The following ARRDC2 variants were observed in gnomAD, a reference collection of about 807,000 sequenced individuals.
ARRDC2 encodes the protein arrestin domain-containing protein 2.
In ARRDC2, 39 loss-of-function variants were observed where a neutral mutation model predicts 38.9. The observed-to-expected ratio is 1.00, with a 90% CI of 0.78 to 1.31. ARRDC2 has a LOEUF of 1.31. Ranked by LOEUF, ARRDC2 falls within the 50% of genes most tolerant of loss-of-function variation. ARRDC2 has a pLI of 0.00. For synonymous variants in ARRDC2, 300 were observed against 261.9 expected, an observed-to-expected ratio of 1.15 and a Z score of -1.41; for missense variants, 553 against 588.4, an observed-to-expected ratio of 0.94 and a Z score of 0.62.
At chr19:18,009,417 G>C in intron 3 of ARRDC2, 175 bp from the exon 4 acceptor site, 1 of 653,806 alleles carries the variant, frequency 1.5e-6, no homozygotes, top group South Asian at 2.0e-5. Context: ...TTCATTTCTG[G>C]CTTTATAAGA....
At chr19:18,001,125 C>A, upstream of ARRDC2, 1 of 495,256 alleles carries the variant, frequency 2.0e-6, no homozygotes, top group Non-Finnish European at 2.8e-6. Flanking sequence ...GGGGCGGATG[C>A]AGAGGACCAG....
At chr19:18,006,899 C>G (rs1463309538), upstream of ARRDC2, among the ~76,000 whole-genome samples, 2 of 152,200 alleles carry the variant, frequency 1.3e-5, no homozygotes, top group Non-Finnish European at 1.5e-5. Flanking sequence ...TGAAACCTGG[C>G]CTAAGGTCCC....
rs568364911 is a variant in ARRDC2, at chr19:18,013,975, C to T, written c.*1009C>T. ...ATTAGAGGGGGCAGCTGGACAAGCT[C>T]CCAACTGCAGAGTCCCAGCCCTGGC... On this transcript the variant is annotated 3_prime_UTR_variant, in exon 8 of 8. Coordinates refer to ENST00000222250, the MANE Select transcript of ARRDC2 (RefSeq NM_015683.2). The T allele has an allele frequency of 1.3e-5, 2 of 152,264 alleles. No individual in the cohort carries two copies. Among genetic ancestry groups the T allele is most frequent in the Admixed American group, 6.5e-5 (1 of 15,298 alleles). 9.4% of individuals were successfully genotyped at this position (152,264 alleles called of 1,614,324 possible). A position where few individuals can be genotyped will look rare whatever the true frequency, so the allele number is the denominator to read the frequency against.
intron 7 of ARRDC2, among the ~76,000 whole-genome samples, chr19:18,011,528 C>T (rs899319191): frequency 6.6e-6 from 1 of 152,046 alleles, no homozygotes; most frequent in African/African-American, 2.4e-5. Context: ...AAACATGGGT[C>T]AGAGACATTT....
In ARRDC2 at chr19:18,010,682, G is replaced by A. The variant is rs754035472; in HGVS notation, c.1123G>A (p.Ala375Thr). 1.6e-5 allele frequency: 26 copies of A among 1,613,806 alleles called. No homozygotes were observed. The highest frequency in any genetic ancestry group is 1.6e-4 in the Middle Eastern group (1 of 6,062). ...CATGAGCCTTGAAGGCCCGTTCTTCGCCTACATCCAAGAGTTCCGCTACCG... is the reference window on the plus strand; with the variant it reads ...CATGAGCCTTGAAGGCCCGTTCTTCACCTACATCCAAGAGTTCCGCTACCG... Reference protein sequence around the residue: ...PDMSLEGPFFAYIQEFRYRPP... With the variant: ...PDMSLEGPFFTYIQEFRYRPP... Residue 375 changes from alanine (A) to threonine (T), a missense_variant, in exon 7 of 8, where the codon GCC becomes ACC. Physicochemically the swap from Ala to Thr is moderately conservative, Grantham distance 58. Around this residue, in one of 3 missense-constraint regions of ARRDC2, gnomAD observed 100 missense variants for 107.6 expected, o/e 0.93. Transcript: ENST00000222250.
At chr19:18,005,052 T>C (rs1309772051), upstream of ARRDC2, among the ~76,000 whole-genome samples, 2 of 152,012 alleles carry the variant, frequency 1.3e-5, no homozygotes, top group Non-Finnish European at 2.9e-5. Flanking sequence ...TGGGTGTTTC[T>C]TGCAGAGGGG....
At chr19:18,001,620 GC>G in intron 1 of ARRDC2, 1 of 1,293,966 alleles carries the variant, frequency 7.7e-7, no homozygotes, top group Non-Finnish European at 9.8e-7. Context: ...GACCCCCTCG[GC>G]CGCGACCCTC....
upstream of ARRDC2, chr19:18,007,803 G>T (rs2146000798): frequency 3.0e-5 from 6 of 201,312 alleles, no homozygotes; most frequent in South Asian, 4.1e-4. Context: ...CCCCAAATCG[G>T]GCTGGACATG....
At chr19:18,011,950 ATATTTTT>A (rs1275851553) in intron 7 of ARRDC2, among the ~76,000 whole-genome samples, 742 of 56,522 alleles carry the variant, frequency 0.013, 8 homozygotes, top group African/African-American at 0.043. Context: ...ATATATATAT[ATATTTTT>A]TTTTTTTTTT....
At chr19:18,012,835 G>A in intron 7 of ARRDC2, 78 bp from the exon 8 acceptor site, 13 of 1,470,992 alleles carry the variant, frequency 8.8e-6, no homozygotes, top group Non-Finnish European at 5.7e-6. Context: ...GGAGTTGGGA[G>A]ATGGCTAGAT....
upstream of ARRDC2, among the ~76,000 whole-genome samples, chr19:18,005,910 C>CG (rs1386602841): frequency 7.2e-6 from 1 of 139,830 alleles, no homozygotes; most frequent in Non-Finnish European, 1.5e-5. Flanking sequence ...ACTTCTCAGA[C>CG]GGGGCGGCCG....
chr19:18,004,646 G>A (rs1428243330), upstream of ARRDC2, among the ~76,000 whole-genome samples: 2 of 151,494 alleles, frequency 1.3e-5, no homozygotes, highest in Admixed American at 1.3e-4. Flanking sequence ...CCAAGATGGT[G>A]CCACTGCACT....
chr19:18,012,875 C>T (rs751318474), intron 7 of ARRDC2, 38 bp from the exon 8 acceptor site: 28 of 1,597,634 alleles, frequency 1.8e-5, no homozygotes, highest in African/African-American at 4.0e-5. Context: ...TTTCTGTTTC[C>T]AGTGTTCTCT....
rs1449011666 is a variant in ARRDC2, at chr19:18,008,473, GC to G, written c.166del (p.His56ThrfsTer27). 6.5e-7 allele frequency: 1 copy of G among 1,530,222 alleles called. No individual in the cohort carries two copies. The highest frequency in any genetic ancestry group is 2.1e-5 in the Admixed American group (1 of 47,758). The allele number at this position is 1,530,222 out of a possible 1,614,324, so 94.8% of individuals were successfully genotyped here. ...GALRLRARGR[A>X]HVHWTESRSA... is the part of the protein sequence containing the mutation. ...CCTGAGGCTGCGCGCGCGGGGCCGC[GC>G]CCACGTGCACTGGACCGAGTCGCGC... On this transcript the variant is annotated frameshift_variant, in exon 1 of 8. Coordinates refer to ENST00000222250, the MANE Select transcript of ARRDC2 (RefSeq NM_015683.2). LOFTEE classifies it high-confidence loss of function.
In ARRDC2 at chr19:18,001,484, TG is replaced by T; in HGVS notation, c.172del (p.Glu58ArgfsTer55). 1 of 1,324,764 alleles carries T rather than the reference TG, an allele frequency of 7.5e-7. No individual in the cohort carries two copies. Among genetic ancestry groups the T allele is most frequent in the Non-Finnish European group, 9.7e-7 (1 of 1,035,668 alleles). The allele number at this position is 1,324,764 out of a possible 1,614,324, so 82.1% of individuals were successfully genotyped here. ...CGCGGCGGGGCGGCCACCCACTGGT[TG>T]GAGGGTCGCAGCGTGGGCGTCAACG... On this transcript the variant is annotated frameshift_variant, in exon 1 of 8. Coordinates refer to the ARRDC2 transcript ENST00000379656. LOFTEE classifies it high-confidence loss of function.
upstream of ARRDC2, chr19:18,008,034 A>G (rs973877253): frequency 3.4e-6 from 3 of 874,522 alleles, no homozygotes; most frequent in Non-Finnish European, 4.7e-6. Context: ...GGCGTTTGTT[A>G]TTTTGCTCCA....
At chr19:18,010,527 G>A (rs778237925) in intron 6 of ARRDC2, 45 bp from the exon 7 acceptor site, 3 of 1,605,418 alleles carry the variant, frequency 1.9e-6, no homozygotes, top group South Asian at 1.1e-5. Flanking sequence ...CCTTGGAGCA[G>A]GGCTCTCTCC....
chr19:18,010,417 C>T (rs546693309), intron 6 of ARRDC2, 59 bp downstream of exon 6: 162 of 1,573,320 alleles, frequency 1.0e-4, no homozygotes, highest in Admixed American at 2.8e-4. Context: ...AGGTGGATGC[C>T]GGGTCAACTC....
chr19:18,005,484 C>G (rs1203880301), upstream of ARRDC2, among the ~76,000 whole-genome samples: 1 of 152,166 alleles, frequency 6.6e-6, no homozygotes, highest in African/African-American at 2.4e-5. Flanking sequence ...TCATCATGGC[C>G]CGTTCTCAAT....
Sources: allele counts gnomAD v4.1 joint callset (sites outside exome capture counted in the v4.1 genomes callset), GRCh38; gene constraint gnomAD v4.1.1; regional missense constraint gnomAD v4.1.1; transcripts MANE v1.5; gene names NCBI Gene and HGNC (gene_info 2026-07-23, HGNC 2026-07-21).